Variants in TRIM36 observed in about 807,000 individuals in gnomAD.
TRIM36 encodes E3 ubiquitin-protein ligase TRIM36.
A neutral mutation model predicts 72.4 loss-of-function variants in TRIM36; 42 were observed. That is an observed-to-expected ratio of 0.58 (90% CI 0.45 to 0.75). The LOEUF (loss-of-function observed/expected upper bound fraction) is 0.75. Ranked by LOEUF, TRIM36 falls within the 30% of genes least tolerant of loss-of-function variation. The probability of loss-of-function intolerance (pLI) is 0.00; values close to 1 mark genes in which losing one functional copy is unlikely to be tolerated. For missense variants in TRIM36, 913 were observed against 857.1 expected (o/e 1.07, Z -0.81); for synonymous variants, 315 against 282.8 (o/e 1.11, Z -1.14).
At chr5:115,161,324 G>A (rs184422322) in intron 2 of TRIM36, among the ~76,000 whole-genome samples, 1 of 152,238 alleles carries the variant, frequency 6.6e-6, no homozygotes, top group East Asian at 1.9e-4. Flanking sequence ...ATTTAATAAG[G>A]CATAGAACTT....
chr5:115,170,594 T>C (rs1755063634), upstream of TRIM36, among the ~76,000 whole-genome samples: 1 of 152,202 alleles, frequency 6.6e-6, no homozygotes, highest in Admixed American at 6.5e-5. Flanking sequence ...GTGAACTTAA[T>C]AGTCCCTGAC....
At chr5:115,128,386 G>A (rs557794734) in intron 9 of TRIM36, among the ~76,000 whole-genome samples, 1 of 146,788 alleles carries the variant, frequency 6.8e-6, no homozygotes, top group Admixed American at 6.8e-5. Flanking sequence ...AAAAAAAAAT[G>A]TATATAGATG....
upstream of TRIM36, chr5:115,180,170 G>A (rs1755554666): frequency 6.0e-6 from 5 of 826,574 alleles, no homozygotes; most frequent in Admixed American, 7.8e-5. Flanking sequence ...GGAAAAGAGG[G>A]GAAGCGCCGG....
At chr5:115,151,412 G>A (rs779306727) in intron 2 of TRIM36, among the ~76,000 whole-genome samples, 1 of 151,818 alleles carries the variant, frequency 6.6e-6, no homozygotes, top group African/African-American at 2.4e-5. Flanking sequence ...GACACGCCTC[G>A]CCCTGCCCCC....
rs1231995413 is a variant in TRIM36, at chr5:115,141,356, T to C, written c.754A>G (p.Ile252Val). 3 of 1,596,170 alleles carry C rather than the reference T, an allele frequency of 1.9e-6. No homozygotes were observed. Among genetic ancestry groups the C allele is most frequent in the East Asian group, 4.5e-5 (2 of 44,232 alleles). ...CTTTCCTTACCAATAAGGTAATCAA[T>C]ATCCTTTGAAAGCTTTTCCTGTTGA... ...KTLKEKLSKD[I>V]DYLIGKESQV... Residue 252 changes from isoleucine (I) to valine (V), a missense_variant, in exon 5 of 10, where the codon ATT becomes GTT. Physicochemically the swap from Ile to Val is conservative, Grantham distance 29. Transcript: ENST00000513154.
chr5:115,162,509 T>TA (rs1754536969), intron 2 of TRIM36, among the ~76,000 whole-genome samples: 1 of 152,178 alleles, frequency 6.6e-6, no homozygotes, highest in Admixed American at 6.5e-5. Flanking sequence ...ATGAATCACA[T>TA]AAAAAACTAG....
intron 4 of TRIM36, among the ~76,000 whole-genome samples, chr5:115,142,897 T>C (rs1753350777): frequency 6.6e-6 from 1 of 152,156 alleles, no homozygotes; most frequent in South Asian, 2.1e-4. Flanking sequence ...TTCCTCTGGA[T>C]CAGTGGTTCT....
Position 115,147,348 on chromosome 5 carries a change from G to A in TRIM36, c.309C>T (p.Cys103=). The part of the protein sequence containing the change: ...SLTPRTTVFP[C]PGCEHDVDLG... ...GATCCACATCATGCTCACAGCCAGG[G>A]CAAGGGAAAACAGTTGTCCTCGGGG... Residue 103 remains cysteine, a synonymous_variant, in exon 3 of 10, where the codon TGC becomes TGT. Coordinates refer to ENST00000513154, the MANE Select transcript of TRIM36 (RefSeq NM_001300759.2). 6.2e-7 allele frequency: 1 copy of A among 1,613,920 alleles called. No individual in the cohort carries two copies. Among genetic ancestry groups the A allele is most frequent in the Non-Finnish European group, 8.5e-7 (1 of 1,179,778 alleles).
At position 115,137,026 on chromosome 5, in the gene TRIM36, A is replaced by T; in HGVS notation, c.1184T>A (p.Leu395His). 3 of 1,604,834 alleles carry T rather than the reference A, an allele frequency of 1.9e-6. No homozygotes were observed. Among genetic ancestry groups the T allele is most frequent in the Non-Finnish European group, 2.5e-6 (3 of 1,176,708 alleles). ...ACTAGAGAAAAAGGATAATTCTCCA[A>T]GAAGTTCTGTTTGTTTAGAGGTATT... ...VVNTSKQTEL[L>H]GELSFFSSGI... The change falls in exon 7 of 10, where the codon CTT becomes CAT. Residue 395 changes from leucine to histidine, a missense_variant. Leu to His is a moderately conservative substitution (Grantham distance 99). Coordinates refer to ENST00000513154, the MANE Select transcript of TRIM36 (RefSeq NM_001300759.2).
Position 115,165,794 on chromosome 5 carries a change from C to T in TRIM36, c.28-2042G>A, listed in dbSNP as rs1754738865. On this transcript the variant is annotated intron_variant, in intron 1 of 9. Coordinates refer to ENST00000513154, the MANE Select transcript of TRIM36 (RefSeq NM_001300759.2). Reference sequence around the variant, plus strand: ...AGGGCATTCCTATGCTCTCGGGGGCCCAGGATGCCTCTCTTCCCCCACATG... The same window carrying T: ...AGGGCATTCCTATGCTCTCGGGGGCTCAGGATGCCTCTCTTCCCCCACATG... Among the ~76,000 whole-genome samples, 3 of 152,240 alleles carry T rather than the reference C, an allele frequency of 2.0e-5. No homozygotes were observed. The South Asian group carries it at 6.2e-4, about 32-fold the overall frequency.
intron 1 of TRIM36, among the ~76,000 whole-genome samples, chr5:115,178,531 G>C (rs2126963058): frequency 6.6e-6 from 1 of 152,292 alleles, no homozygotes; most frequent in South Asian, 2.1e-4. Context: ...TCTTCAGAGG[G>C]AAGGGTGGGC....
At position 115,131,413 on chromosome 5, in the gene TRIM36, G is replaced by C. The variant is rs139074655; in HGVS notation, c.1499-524C>G. On this transcript the variant is annotated intron_variant, in intron 8 of 9. Coordinates refer to ENST00000513154, the MANE Select transcript of TRIM36 (RefSeq NM_001300759.2). The stretch of plus-strand genomic sequence containing the variant: ...AAAACACAGCTTTTGGGTTGAGAGA[G>C]ACCTGGGTTTGAATCCTACTCAAGC... Among the ~76,000 whole-genome samples the C allele has an allele frequency of 3.3e-3, 506 of 152,268 alleles. 3 individuals carry two copies. Among genetic ancestry groups the C allele is most frequent in the African/African-American group, 0.012 (485 of 41,540 alleles).
chr5:115,179,057 C>A (rs1330969572), intron 1 of TRIM36, among the ~76,000 whole-genome samples: 1 of 152,192 alleles, frequency 6.6e-6, no homozygotes, highest in Non-Finnish European at 1.5e-5. Context: ...GTGCCATCAC[C>A]TCTTCTCGAA....
intron 2 of TRIM36, among the ~76,000 whole-genome samples, chr5:115,148,547 ATTACAGG>A (rs1753718341): frequency 6.7e-6 from 1 of 149,240 alleles, no homozygotes. Context: ...AGTAGCTGGG[ATTACAGG>A]CGCCCACCAC....
intron 1 of TRIM36, among the ~76,000 whole-genome samples, chr5:115,164,393 C>T (rs1754648901): frequency 6.6e-6 from 1 of 152,096 alleles, no homozygotes; most frequent in Non-Finnish European, 1.5e-5. Context: ...AGAAAATTAC[C>T]TGAGGCTGGG....
Position 115,149,642 on chromosome 5 carries a change from T to TTA in TRIM36, c.263-2249_263-2248insTA, listed in dbSNP as rs749449678. 3.0e-5 allele frequency: 3 copies of TTA among 98,514 alleles called. 1 individual carries two copies. Among genetic ancestry groups the TTA allele is most frequent in the South Asian group, 7.2e-4 (2 of 2,796 alleles). 6.1% of individuals were successfully genotyped at this position (98,514 alleles called of 1,614,324 possible). A position where few individuals can be genotyped will look rare whatever the true frequency, so the allele number is the denominator to read the frequency against. On this transcript the variant is annotated intron_variant, in intron 2 of 9. Transcript: ENST00000513154. The stretch of plus-strand genomic sequence containing the variant: ...CCTCTGCTACTGTGTTTTTACAGTG[T>TTA]AAAAAAAAAAAAAAAAAGGTGTGAA...
Position 115,133,844 on chromosome 5 carries a change from C to T in TRIM36, c.1498+16G>A, listed in dbSNP as rs1291520909. The T allele has an allele frequency of 4.5e-6, 7 of 1,546,504 alleles. No individual in the cohort carries two copies. The Admixed American group carries it at 6.2e-5, about 14-fold the overall frequency. ...AACTAACTCTATGCTTTTTTTATTC[C>T]TGATATTCACCATACCTGGAGCTGG... On this transcript the variant is annotated intron_variant, in intron 8 of 9. Coordinates refer to ENST00000513154, the MANE Select transcript of TRIM36 (RefSeq NM_001300759.2).
At chr5:115,162,340 C>G (rs1754528734) in intron 2 of TRIM36, among the ~76,000 whole-genome samples, 1 of 152,188 alleles carries the variant, frequency 6.6e-6, no homozygotes, top group African/African-American at 2.4e-5. Context: ...AGACAAATGC[C>G]ATTATTACTG....
intron 5 of TRIM36, 22 bp downstream of exon 5, chr5:115,141,257 T>G (rs749997783): frequency 1.4e-6 from 2 of 1,481,148 alleles, no homozygotes; most frequent in South Asian, 1.2e-5. Context: ...ATTTAAAATA[T>G]GCAAGCTAGT....
Sources: allele counts gnomAD v4.1 joint callset (sites outside exome capture counted in the v4.1 genomes callset), GRCh38; gene constraint gnomAD v4.1.1; transcripts MANE v1.5; gene names NCBI Gene and HGNC (gene_info 2026-07-23, HGNC 2026-07-21).